Variants in DAB1 observed in about 807,000 individuals in gnomAD.
The protein encoded by DAB1 is disabled homolog 1.
A neutral mutation model predicts 64.6 loss-of-function variants in DAB1; 15 were observed. The observed-to-expected ratio is 0.23, with a 90% CI of 0.16 to 0.36. The LOEUF (loss-of-function observed/expected upper bound fraction) is 0.36, where lower values mean the gene tolerates loss of function less well. Ranked by LOEUF, DAB1 falls within the 10% of genes least tolerant of loss-of-function variation. The pLI is 1.00. For synonymous variants in DAB1, 235 were observed against 251.9 expected (o/e 0.93, Z 0.64); for missense variants, 596 against 706.7 (o/e 0.84, Z 1.78).
intron 4 of DAB1, among the ~76,000 whole-genome samples, chr1:57,092,405 G>A (rs1416147491): frequency 1.3e-5 from 2 of 152,066 alleles, no homozygotes; most frequent in Non-Finnish European, 2.9e-5. Flanking sequence ...GATCATGGGG[G>A]TGGTTATCCC....
At chr1:57,478,943 C>A (rs575568117) in intron 7 of DAB1, among the ~76,000 whole-genome samples, 14 of 152,154 alleles carry the variant, frequency 9.2e-5, no homozygotes, top group African/African-American at 3.4e-4. Context: ...GTATCTATAA[C>A]TTTAAAAAAG....
At chr1:58,057,500 T>C (rs1056247628) in intron 5 of DAB1, among the ~76,000 whole-genome samples, 16 of 152,198 alleles carry the variant, frequency 1.1e-4, no homozygotes, top group African/African-American at 3.6e-4. Flanking sequence ...CTGTTGTCTT[T>C]ATAAGAAGAG....
chr1:57,977,836 A>G (rs1297896023), intron 5 of DAB1, among the ~76,000 whole-genome samples: 4 of 152,166 alleles, frequency 2.6e-5, no homozygotes, highest in African/African-American at 7.2e-5. Context: ...AGAATAAAAT[A>G]CCTAGGAAAA....
chr1:58,089,279 C>T (rs886687702), intron 5 of DAB1, among the ~76,000 whole-genome samples: 2 of 152,266 alleles, frequency 1.3e-5, no homozygotes, highest in East Asian at 1.9e-4. Flanking sequence ...AGAGCTATCA[C>T]AGCTGCCTTG....
At chr1:57,298,999 CTA>C (rs1409930436) in intron 1 of DAB1, among the ~76,000 whole-genome samples, 1 of 152,150 alleles carries the variant, frequency 6.6e-6, no homozygotes, top group Non-Finnish European at 1.5e-5. Flanking sequence ...AGCAGTGTCT[CTA>C]TAAAATTCTG....
chr1:57,782,320 AG>A (rs1327547707), intron 6 of DAB1, among the ~76,000 whole-genome samples: 3 of 152,202 alleles, frequency 2.0e-5, no homozygotes, highest in Non-Finnish European at 4.4e-5. Context: ...ATGAAAAAAG[AG>A]GGCAGGTGAC....
intron 5 of DAB1, among the ~76,000 whole-genome samples, chr1:57,959,770 T>G (rs1645474072): frequency 6.6e-6 from 1 of 152,234 alleles, no homozygotes; most frequent in African/African-American, 2.4e-5. Flanking sequence ...CAGGCTGGGA[T>G]CGGTTTCCTA....
chr1:58,483,751 G>C (rs1645528052), intron 3 of DAB1, among the ~76,000 whole-genome samples: 1 of 152,326 alleles, frequency 6.6e-6, no homozygotes, highest in African/African-American at 2.4e-5. Flanking sequence ...TGAGATGCTA[G>C]CAAGATTTGC....
intron 5 of DAB1, among the ~76,000 whole-genome samples, chr1:58,081,292 G>A (rs968923773): frequency 1.3e-5 from 2 of 152,190 alleles, no homozygotes; most frequent in African/African-American, 4.8e-5. Context: ...AAATTGTGAC[G>A]CAGCAACAAA....
At chr1:57,352,728 G>A (rs1282872551) in intron 1 of DAB1, among the ~76,000 whole-genome samples, 2 of 152,138 alleles carry the variant, frequency 1.3e-5, no homozygotes, top group African/African-American at 4.8e-5. Flanking sequence ...ATTTCTCCTA[G>A]GGTATGACAT....
At chr1:57,533,371 T>C (rs1168994070) in intron 7 of DAB1, among the ~76,000 whole-genome samples, 1 of 151,966 alleles carries the variant, frequency 6.6e-6, no homozygotes, top group Non-Finnish European at 1.5e-5. Context: ...ATTTTAAGAA[T>C]GAAAGCATTA....
At chr1:58,450,206 C>T (rs1282458449) in intron 3 of DAB1, among the ~76,000 whole-genome samples, 1 of 152,120 alleles carries the variant, frequency 6.6e-6, no homozygotes, top group Non-Finnish European at 1.5e-5. Flanking sequence ...GGTGAATCTG[C>T]CAAGGAAACA....
intron 5 of DAB1, among the ~76,000 whole-genome samples, chr1:57,907,163 T>A (rs530775131): frequency 6.6e-6 from 1 of 152,316 alleles, no homozygotes; most frequent in African/African-American, 2.4e-5. Context: ...ATTGAGGACT[T>A]GTAATATATC....
In DAB1 at chr1:58,229,076, C is replaced by T. The variant is rs1570513774; in HGVS notation, n.310-78488G>A. The T allele has an allele frequency of 1.9e-5, 5 of 258,762 alleles. No individual in the cohort carries two copies. In the East Asian group the frequency reaches 2.9e-4, roughly 15 times the overall value. The allele number at this position is 258,762 out of a possible 1,614,324, so 16.0% of individuals were successfully genotyped here. On this transcript the variant is annotated intron_variant and non_coding_transcript_variant, in intron 4 of 20. Coordinates refer to the DAB1 transcript ENST00000485760. ...TGAACTCCCAGGCTCAATTGATCCT[C>T]CTGCCTCAGCCTCCTCGGTACCTGG...
At chr1:57,345,240 C>T (rs936234268) in intron 1 of DAB1, among the ~76,000 whole-genome samples, 1 of 152,190 alleles carries the variant, frequency 6.6e-6, no homozygotes, top group Non-Finnish European at 1.5e-5. Flanking sequence ...CCCTTTCCTA[C>T]AGGCCAGGTG....
intron 2 of DAB1, among the ~76,000 whole-genome samples, chr1:57,254,343 T>TA (rs1669596875): frequency 6.6e-6 from 1 of 152,084 alleles, no homozygotes; most frequent in Admixed American, 6.6e-5. Flanking sequence ...CTTTGGAAAA[T>TA]GTAGAAAAGA....
chr1:58,385,990 G>C (rs1644429179), intron 3 of DAB1, among the ~76,000 whole-genome samples: 1 of 152,172 alleles, frequency 6.6e-6, no homozygotes, highest in Non-Finnish European at 1.5e-5. Context: ...CATGGGAAAG[G>C]CACTTTCTTC....
intron 7 of DAB1, among the ~76,000 whole-genome samples, chr1:57,450,762 CTT>C (rs1244557516): frequency 1.3e-5 from 2 of 152,184 alleles, no homozygotes. Flanking sequence ...TAATTTCACT[CTT>C]TTAAAACAAT....
At chr1:58,354,610 T>A (rs546279176) in intron 3 of DAB1, among the ~76,000 whole-genome samples, 1 of 152,234 alleles carries the variant, frequency 6.6e-6, no homozygotes, top group South Asian at 2.1e-4. Flanking sequence ...GTCTCTTATG[T>A]GTCTGAGAGG....
Sources: gnomAD v4.1 joint callset for allele counts (sites outside exome capture counted in the v4.1 genomes callset) on GRCh38, gnomAD v4.1.1 for gene constraint, MANE v1.5 for transcripts, NCBI Gene and HGNC (gene_info 2026-07-23, HGNC 2026-07-21) for gene names.